RAB31: variants seen among roughly 807,000 people sequenced by gnomAD.
RAB31 encodes ras-related protein Rab-31.
In RAB31, 21 loss-of-function variants were observed where a neutral mutation model predicts 25.6. The observed-to-expected ratio is 0.82, with a 90% CI of 0.58 to 1.18. The LOEUF is 1.18. RAB31 is among the 50% of genes most tolerant of loss of function. The probability of loss-of-function intolerance (pLI) is 0.00; values close to 1 mark genes in which losing one functional copy is unlikely to be tolerated. For synonymous variants in RAB31, 87 were observed against 84.0 expected (o/e 1.04, Z -0.20); for missense variants, 196 against 250.1 (o/e 0.78, Z 1.46).
chr18:9,806,342 T>C (rs1318049169), intron 3 of RAB31, among the ~76,000 whole-genome samples: 1 of 152,198 alleles, frequency 6.6e-6, no homozygotes, highest in East Asian at 1.9e-4. Flanking sequence ...TGTCGAGTCC[T>C]TGCTATGGTC....
chr18:9,768,962 C>T (rs1024572181), intron 1 of RAB31, among the ~76,000 whole-genome samples: 9 of 152,142 alleles, frequency 5.9e-5, no homozygotes, highest in Non-Finnish European at 1.3e-4. Flanking sequence ...ATCCTTTCCC[C>T]ATTGCTTGTT....
At position 9,813,587 on chromosome 18, in the gene RAB31, C is replaced by T. The variant is rs539468615; in HGVS notation, c.202-433C>T. Among the ~76,000 whole-genome samples the T allele has an allele frequency of 2.8e-4, 43 of 152,258 alleles. 1 individual carries two copies. The highest frequency in any genetic ancestry group is 9.6e-4 in the African/African-American group (40 of 41,538). On this transcript the variant is annotated intron_variant, in intron 3 of 6. Coordinates refer to ENST00000578921, the MANE Select transcript of RAB31 (RefSeq NM_006868.4). The stretch of plus-strand genomic sequence containing the variant: ...AACTCTGGGGCCGGGTGCGGTAGCT[C>T]ACACCTGTAATACCAGCACTTTGGG...
rs543159132 is a variant in RAB31, at chr18:9,829,425, T to C, written c.380+14203T>C. Among the ~76,000 whole-genome samples the C allele has an allele frequency of 3.9e-5, 6 of 152,384 alleles. No individual in the cohort carries two copies. In the East Asian group the frequency reaches 1.2e-3, roughly 29 times the overall value. ...TATTCATTGCTGTCTACTGTTCCGT[T>C]TTATGAGTGGAACACAGTTTATCTA... is the stretch of plus-strand genomic sequence containing the variant. On this transcript the variant is annotated intron_variant, in intron 5 of 6. Transcript: ENST00000578921.
Position 9,708,302 on chromosome 18 carries a change from C to G in RAB31, c.-104C>G. On this transcript the variant is annotated 5_prime_UTR_variant, in exon 1 of 7. Coordinates refer to ENST00000578921, the MANE Select transcript of RAB31 (RefSeq NM_006868.4). The surrounding 1 kb of genome is among the most constrained non-coding windows in gnomAD (Gnocchi z 6.4). ...ATAGCAGCGGCGGCGGTTCCGCCCG[C>G]GGGCGGCGCGAGCGAGGGGCAGAGG... The G allele has an allele frequency of 1.2e-6, 1 of 827,674 alleles. No individual in the cohort carries two copies. The allele number at this position is 827,674 out of a possible 1,614,324, so 51.3% of individuals were successfully genotyped here.
At position 9,845,709 on chromosome 18, in the gene RAB31, G is replaced by T; in HGVS notation, c.490+18G>T. ...AGGAATCAGTAAGTACCTGAAATTG[G>T]GTTTTCAGCCCAACTTGCATTTTTA... is the stretch of plus-strand genomic sequence containing the variant. On this transcript the variant is annotated intron_variant, in intron 6 of 6. Transcript: ENST00000578921. 1 of 1,529,400 alleles carries T rather than the reference G, an allele frequency of 6.5e-7. No homozygotes were observed. The highest frequency in any genetic ancestry group is 1.3e-5 in the South Asian group (1 of 79,372). 94.7% of individuals were successfully genotyped at this position (1,529,400 alleles called of 1,614,324 possible). A position where few individuals can be genotyped will look rare whatever the true frequency, so the allele number is the denominator to read the frequency against.
intron 6 of RAB31, chr18:9,856,477 A>G (rs1481947466): frequency 6.6e-6 from 1 of 152,194 alleles, no homozygotes; most frequent in Admixed American, 6.5e-5. Context: ...TAATTTGTGT[A>G]CTTTCCAAAG....
chr18:9,790,516 A>G (rs2068454670), intron 2 of RAB31, among the ~76,000 whole-genome samples: 1 of 152,188 alleles, frequency 6.6e-6, no homozygotes, highest in South Asian at 2.1e-4. Flanking sequence ...GATTACAGAA[A>G]AAAGAGCCAC....
chr18:9,750,137 G>A (rs1428643853), intron 1 of RAB31, among the ~76,000 whole-genome samples: 1 of 150,754 alleles, frequency 6.6e-6, no homozygotes, highest in South Asian at 2.1e-4. Context: ...CGAGATGGTT[G>A]TCTACCGGGA....
chr18:9,751,065 C>T (rs1049955458), intron 1 of RAB31, among the ~76,000 whole-genome samples: 3 of 152,090 alleles, frequency 2.0e-5, no homozygotes, highest in African/African-American at 7.2e-5. Context: ...GACAGAGTCT[C>T]GCATGGTCAC....
chr18:9,838,502 A>G (rs2068715943), intron 5 of RAB31, among the ~76,000 whole-genome samples: 1 of 152,140 alleles, frequency 6.6e-6, no homozygotes, highest in Non-Finnish European at 1.5e-5. Context: ...GGGCTTCAGG[A>G]TTCCTTCTGG....
At chr18:9,728,796 C>T (rs999967211) in intron 1 of RAB31, among the ~76,000 whole-genome samples, 4 of 152,138 alleles carry the variant, frequency 2.6e-5, no homozygotes, top group Non-Finnish European at 2.9e-5. Flanking sequence ...TCCTTGGCTT[C>T]GCTAAGTGCT....
At chr18:9,836,664 G>A (rs2068705870) in intron 5 of RAB31, among the ~76,000 whole-genome samples, 1 of 152,340 alleles carries the variant, frequency 6.6e-6, no homozygotes, top group Non-Finnish European at 1.5e-5. Flanking sequence ...GTAGGTCTGG[G>A]GAGATTTAGT....
chr18:9,801,594 T>C (rs1346794889), intron 3 of RAB31, among the ~76,000 whole-genome samples: 1 of 152,182 alleles, frequency 6.6e-6, no homozygotes, highest in Non-Finnish European at 1.5e-5. Context: ...TGCATGTTTT[T>C]AAAAATCTCT....
chr18:9,755,904 G>C (rs778943959), intron 1 of RAB31, among the ~76,000 whole-genome samples: 2 of 152,220 alleles, frequency 1.3e-5, no homozygotes, highest in Non-Finnish European at 2.9e-5. Flanking sequence ...CTGTGGTTTA[G>C]GCTGCCTTGT....
At chr18:9,849,230 C>G (rs1223238030) in intron 6 of RAB31, among the ~76,000 whole-genome samples, 3 of 152,030 alleles carry the variant, frequency 2.0e-5, no homozygotes. Context: ...CATATTTTAT[C>G]TTTAATTGAT....
intron 3 of RAB31, among the ~76,000 whole-genome samples, chr18:9,808,425 T>C (rs1026700254): frequency 1.4e-4 from 22 of 152,216 alleles, no homozygotes; most frequent in African/African-American, 5.1e-4. Context: ...ACTCGGGTTT[T>C]AGGACATCTG....
chr18:9,817,175 T>TAG (rs1332671153), intron 5 of RAB31, among the ~76,000 whole-genome samples: 1 of 152,120 alleles, frequency 6.6e-6, no homozygotes, highest in Non-Finnish European at 1.5e-5. Flanking sequence ...GGTGGGTGGG[T>TAG]AGAGACGACC....
chr18:9,815,357 G>A, intron 5 of RAB31, 135 bp downstream of exon 5: 1 of 168,792 alleles, frequency 5.9e-6, no homozygotes, highest in South Asian at 5.5e-5. Flanking sequence ...CATCCGTGTA[G>A]ATGCTGTCCT....
chr18:9,763,333 G>A lies in RAB31; in HGVS notation c.40-11945G>A, dbSNP rs191303267. Reference sequence around the variant, plus strand: ...CAGACAATAGAAGCAGACCCACAGAGAATCTAAGGAATGAGATTATCAGAC... The same window carrying A: ...CAGACAATAGAAGCAGACCCACAGAAAATCTAAGGAATGAGATTATCAGAC... On this transcript the variant is annotated intron_variant, in intron 1 of 6. Coordinates refer to ENST00000578921, the MANE Select transcript of RAB31 (RefSeq NM_006868.4). 2.3e-3 allele frequency among the ~76,000 whole-genome samples: 347 copies of A among 152,116 alleles called. 1 individual carries two copies. The highest frequency in any genetic ancestry group is 8.1e-3 in the African/African-American group (334 of 41,488).
Sources: allele counts gnomAD v4.1 joint callset (sites outside exome capture counted in the v4.1 genomes callset), GRCh38; gene constraint gnomAD v4.1.1; non-coding constraint Gnocchi (gnomAD v3.1); transcripts MANE v1.5; gene names NCBI Gene and HGNC (gene_info 2026-07-23, HGNC 2026-07-21).